FSCN2: variants seen among roughly 807,000 people sequenced by gnomAD.
FSCN2 encodes fascin-2.
Under a neutral mutation model 37.8 loss-of-function variants are expected in FSCN2, and 46 were observed. The ratio of observed to expected loss-of-function variants is 1.22; its 90% confidence interval spans 0.96 to 1.56. The LOEUF (loss-of-function observed/expected upper bound fraction) is 1.56, where lower values mean the gene tolerates loss of function less well. Among genes scored for constraint, FSCN2 ranks in the 40% most tolerant of loss-of-function variants. FSCN2 has a pLI of 0.00. For synonymous variants in FSCN2, 351 were observed against 309.4 expected (o/e 1.13, Z -1.41); for missense variants, 844 against 730.4 (o/e 1.16, Z -1.79).
chr17:81,536,425 T>G, intron 3 of FSCN2, 158 bp downstream of exon 3: 2 of 1,457,938 alleles, frequency 1.4e-6, no homozygotes, highest in East Asian at 2.5e-5. Flanking sequence ...TAACTCGTCT[T>G]GGCAAGGGAA....
At chr17:81,522,784 TAGAC>T in the FSCN2 span, among the ~76,000 whole-genome samples, 1 of 152,212 alleles carries the variant, frequency 6.6e-6, no homozygotes, top group Admixed American at 6.5e-5. Flanking sequence ...AGCTGGGCTG[TAGAC>T]AGCCATCTCT....
rs1420997111 is a variant in FSCN2 at position 81,536,938 on chromosome 17, C to T, written c.1337C>T (p.Ala446Val). The change falls in exon 5 of 5, where the codon GCC (alanine) becomes GTC (valine). Residue 446 changes from alanine to valine, a missense_variant. Physicochemically the swap from Ala to Val is moderately conservative, Grantham distance 64 (BLOSUM62 0). Transcript: ENST00000417245. ...HGSVCSDGER[A>V]EDFVFEFRER... ...AGCGTGTGCAGCGACGGCGAACGCG[C>T]CGAGGACTTCGTCTTCGAGTTCCGT... 1 of 1,571,476 alleles carries T rather than the reference C, an allele frequency of 6.4e-7. No individual in the cohort carries two copies. Among genetic ancestry groups the T allele is most frequent in the Non-Finnish European group, 8.6e-7 (1 of 1,165,976 alleles).
Position 81,532,477 on chromosome 17 carries a change from T to C in FSCN2, c.827-2575T>C, listed in dbSNP as rs2032716908. On this transcript the variant is annotated intron_variant, in intron 1 of 4. Transcript: ENST00000417245. Reference sequence around the variant, plus strand: ...ATGGTGGTGGTGATGGTGGTGGTGGTGATGATAGTGATGGTGATGATGGTG... The same window carrying C: ...ATGGTGGTGGTGATGGTGGTGGTGGCGATGATAGTGATGGTGATGATGGTG... Among the ~76,000 whole-genome samples the C allele has an allele frequency of 1.5e-5, 2 of 134,356 alleles. 1 individual carries two copies. Among genetic ancestry groups the C allele is most frequent in the African/African-American group, 6.0e-5 (2 of 33,298 alleles). 88.1% of individuals were successfully genotyped at this position (134,356 alleles called of 152,430 possible).
the FSCN2 span, among the ~76,000 whole-genome samples, chr17:81,517,727 G>A: frequency 6.6e-6 from 1 of 151,576 alleles, no homozygotes; most frequent in Non-Finnish European, 1.5e-5. Context: ...TCTCCACCTG[G>A]CCATTGTGGA....
rs1164085172 is a variant in FSCN2 at position 81,528,459 on chromosome 17, TG to T, written c.-68del. The T allele has an allele frequency of 5.9e-6, 7 of 1,196,154 alleles. No individual in the cohort carries two copies. The highest frequency in any genetic ancestry group is 1.4e-5 in the South Asian group (1 of 68,992). 74.1% of individuals were successfully genotyped at this position (1,196,154 alleles called of 1,614,324 possible). A position where few individuals can be genotyped will look rare whatever the true frequency, so the allele number is the denominator to read the frequency against. ...GGCCAGCCGAGCCGACCCGGGCTTC[TG>T]GGGGACCGCGGGGGCCGTGAGCACT... is the stretch of plus-strand genomic sequence containing the variant. On this transcript the variant is annotated 5_prime_UTR_variant, in exon 1 of 5. Coordinates refer to ENST00000417245, the MANE Select transcript of FSCN2 (RefSeq NM_012418.4).
chr17:81,516,454 C>A, the FSCN2 span, among the ~76,000 whole-genome samples: 18 of 152,246 alleles, frequency 1.2e-4, no homozygotes, highest in Non-Finnish European at 2.5e-4. Flanking sequence ...TCCCTCTTCT[C>A]CCACACCCTT....
Position 81,535,056 on chromosome 17 carries a change from C to T in FSCN2, c.831C>T (p.Val277=). Residue 277 remains valine, a synonymous_variant, in exon 2 of 5, where the codon GTC becomes GTT. Coordinates refer to ENST00000417245, the MANE Select transcript of FSCN2 (RefSeq NM_012418.4). ...NHRYVSVRQG[V]NVSANQDDEL... is the part of the protein sequence containing the mutation. Reference sequence around the variant, plus strand: ...TTCCCCATCTCCTCCCTCCAGGGGTCAACGTCTCAGCCAATCAGGATGATG... The same window carrying T: ...TTCCCCATCTCCTCCCTCCAGGGGTTAACGTCTCAGCCAATCAGGATGATG... The T allele has an allele frequency of 1.3e-6, 2 of 1,529,786 alleles. No individual in the cohort carries two copies. The highest frequency in any genetic ancestry group is 1.7e-4 in the Middle Eastern group (1 of 5,950). 94.8% of individuals were successfully genotyped at this position (1,529,786 alleles called of 1,614,324 possible).
the FSCN2 span, among the ~76,000 whole-genome samples, chr17:81,515,397 T>C: frequency 6.6e-6 from 1 of 152,184 alleles, no homozygotes; most frequent in Admixed American, 6.5e-5. Context: ...CAGCTGCACT[T>C]CCGCCAGAGG....
rs377034060 is a variant in FSCN2 at position 81,528,561 on chromosome 17, G to A, written c.30G>A (p.Leu10=). The stretch of plus-strand genomic sequence containing the variant: ...CGACGAACGGCCTGCACCAGGTGCT[G>A]AAGATCCAGTTTGGCCTCGTCAACG... MPTNGLHQV[L]KIQFGLVNDT... The change falls in exon 1 of 5, where the codon CTG becomes CTA. Residue 10 remains leucine (L), a synonymous_variant. Coordinates refer to ENST00000417245, the MANE Select transcript of FSCN2 (RefSeq NM_012418.4). 1.2e-4 allele frequency: 188 copies of A among 1,605,842 alleles called. No individual in the cohort carries two copies. Among genetic ancestry groups the A allele is most frequent in the Non-Finnish European group, 1.5e-4 (175 of 1,176,762 alleles).
upstream of FSCN2, among the ~76,000 whole-genome samples, chr17:81,524,893 T>TCACACACACACACACACACACA (rs138139508): frequency 2.3e-4 from 28 of 122,712 alleles, no homozygotes; most frequent in South Asian, 4.8e-4. Context: ...ATGAGCACCT[T>TCACACACACACACACACACACA]CACACACACA....
intron 1 of FSCN2, among the ~76,000 whole-genome samples, chr17:81,532,513 TGAC>T (rs2032720523): frequency 1.8e-5 from 1 of 54,824 alleles, no homozygotes; most frequent in Non-Finnish European, 3.5e-5. Flanking sequence ...ATGATAATGG[TGAC>T]GATGGTGATG....
upstream of FSCN2, among the ~76,000 whole-genome samples, chr17:81,525,382 C>T (rs147454617): frequency 0.058 from 7,373 of 127,810 alleles, 391 homozygotes; most frequent in African/African-American, 0.14. Flanking sequence ...GCTGAGATCA[C>T]GCCACTGCAC....
intron 2 of FSCN2, among the ~76,000 whole-genome samples, chr17:81,535,693 T>C: frequency 1.8e-4 from 1 of 5,408 alleles, no homozygotes. Context: ...TCCATCCCCA[T>C]CTCTGCCATC....
At chr17:81,516,160 C>T in the FSCN2 span, among the ~76,000 whole-genome samples, 3 of 152,256 alleles carry the variant, frequency 2.0e-5, no homozygotes, top group African/African-American at 4.8e-5. Context: ...GTCTCATCTT[C>T]CACCACTAAA....
At chr17:81,532,480 T>G (rs570899525) in intron 1 of FSCN2, among the ~76,000 whole-genome samples, 1 of 123,080 alleles carries the variant, frequency 8.1e-6, no homozygotes, top group African/African-American at 3.3e-5. Flanking sequence ...GTGGTGGTGA[T>G]GATAGTGATG....
the FSCN2 span, among the ~76,000 whole-genome samples, chr17:81,519,927 G>A: frequency 6.6e-6 from 1 of 152,202 alleles, no homozygotes; most frequent in Non-Finnish European, 1.5e-5. Flanking sequence ...CTAAGCACCA[G>A]CTCCCAGAAA....
upstream of FSCN2, among the ~76,000 whole-genome samples, chr17:81,524,489 G>A (rs2032289914): frequency 6.6e-6 from 1 of 152,248 alleles, no homozygotes; most frequent in Non-Finnish European, 1.5e-5. Flanking sequence ...GGGGCGTGGA[G>A]CCCTCAGTGT....
intron 1 of FSCN2, among the ~76,000 whole-genome samples, chr17:81,532,434 A>ATCG (rs1448016943): frequency 3.2e-5 from 1 of 31,668 alleles, no homozygotes; most frequent in African/African-American, 1.7e-4. Flanking sequence ...GGTGATGATA[A>ATCG]TGGTGATGAT....
At chr17:81,526,428 C>T (rs553036400), upstream of FSCN2, among the ~76,000 whole-genome samples, 10 of 152,290 alleles carry the variant, frequency 6.6e-5, no homozygotes, top group South Asian at 2.1e-4. Flanking sequence ...GTCAGGAGTT[C>T]GAGACCAGCC....
Sources: allele counts gnomAD v4.1 joint callset (sites outside exome capture counted in the v4.1 genomes callset), GRCh38; gene constraint gnomAD v4.1.1; transcripts MANE v1.5; gene names NCBI Gene and HGNC (gene_info 2026-07-23, HGNC 2026-07-21).